Variants in TAFA2 observed in about 807,000 individuals in gnomAD.
TAFA2 encodes the protein chemokine-like protein TAFA-2.
A neutral mutation model predicts 18.8 loss-of-function variants in TAFA2; 7 were observed. The ratio of observed to expected loss-of-function variants is 0.37; its 90% CI spans 0.21 to 0.70. The LOEUF is 0.70. Ranked by LOEUF, TAFA2 falls within the 30% of genes least tolerant of loss-of-function variation. The probability of loss-of-function intolerance (pLI) is 0.53; values close to 1 mark genes in which losing one functional copy is unlikely to be tolerated. For missense variants in TAFA2, 122 were observed against 158.1 expected, an observed-to-expected ratio of 0.77 and a Z score of 1.23; for synonymous variants, 60 against 54.2, an observed-to-expected ratio of 1.11 and a Z score of -0.47.
At chr12:61,795,492 ACAC>A (rs1274711137) in intron 2 of TAFA2, among the ~76,000 whole-genome samples, 1 of 151,920 alleles carries the variant, frequency 6.6e-6, no homozygotes, top group African/African-American at 2.4e-5. Context: ...AAAAAACCAA[ACAC>A]CACATGTTCT....
chr12:61,764,819 G>A (rs1412435687), intron 2 of TAFA2, among the ~76,000 whole-genome samples: 2 of 152,070 alleles, frequency 1.3e-5, no homozygotes, highest in Non-Finnish European at 2.9e-5. Flanking sequence ...TTGTAGTTTA[G>A]ATATATTTCT....
chr12:61,783,647 A>T (rs1870601198), intron 2 of TAFA2, among the ~76,000 whole-genome samples: 1 of 151,646 alleles, frequency 6.6e-6, no homozygotes, highest in African/African-American at 2.4e-5. Context: ...CACTTCAGAA[A>T]AGGATAGTGA....
intron 1 of TAFA2, among the ~76,000 whole-genome samples, chr12:61,989,449 T>G (rs1436948467): frequency 6.7e-6 from 1 of 149,966 alleles, no homozygotes; most frequent in Admixed American, 6.6e-5. Flanking sequence ...GACTTGGCTA[T>G]GTGAAATCAT....
chr12:62,130,444 T>C (rs1870635525), intron 1 of TAFA2, among the ~76,000 whole-genome samples: 1 of 151,980 alleles, frequency 6.6e-6, no homozygotes, highest in Non-Finnish European at 1.5e-5. Context: ...ATTATATTAA[T>C]ATAAATTAAT....
rs919756307 is a variant in TAFA2, at chr12:61,923,801, G to A, written c.-1-56375C>T. 2.0e-5 allele frequency among the ~76,000 whole-genome samples: 3 copies of A among 151,884 alleles called. No homozygotes were observed. In the South Asian group the frequency reaches 6.2e-4, roughly 32 times the overall value. ...AATAACAAACTCCTCCGAGCTAAAG[G>A]AGCATGTTCTAACCCAATGCAAGGA... is the stretch of plus-strand genomic sequence containing the variant. On this transcript the variant is annotated intron_variant, in intron 1 of 4. Transcript: ENST00000416284.
chr12:62,200,914 TC>T (rs2062668178), intron 1 of TAFA2, among the ~76,000 whole-genome samples: 2 of 152,192 alleles, frequency 1.3e-5, no homozygotes, highest in African/African-American at 2.4e-5. Context: ...CTCTCTTATT[TC>T]CCTGAGCAGT....
chr12:61,772,358 A>C (rs1459156493), intron 2 of TAFA2, among the ~76,000 whole-genome samples: 1 of 152,024 alleles, frequency 6.6e-6, no homozygotes, highest in Non-Finnish European at 1.5e-5. Flanking sequence ...AAAAGAGGGA[A>C]TTCTCCCTAA....
chr12:61,943,655 G>T lies in TAFA2; in HGVS notation c.-1-76229C>A, dbSNP rs138869241. 6.0e-4 allele frequency among the ~76,000 whole-genome samples: 91 copies of T among 152,206 alleles called. No homozygotes were observed. In the South Asian group the frequency reaches 9.5e-3, roughly 16 times the overall value. ...CAAAAAAAGGCAGGGATTGCAATCC[G>T]AGTCTCTGATAAAACAGACTTTAAA... On this transcript the variant is annotated intron_variant, in intron 1 of 4. Coordinates refer to ENST00000416284, the MANE Select transcript of TAFA2 (RefSeq NM_178539.5).
chr12:62,248,248 A>C (rs993928515), intron 1 of TAFA2, among the ~76,000 whole-genome samples: 10 of 152,202 alleles, frequency 6.6e-5, no homozygotes, highest in Non-Finnish European at 1.0e-4. Flanking sequence ...GTGGGCCCTT[A>C]GTTTGAGCCA....
chr12:62,042,198 C>T (rs1264062032), intron 1 of TAFA2, among the ~76,000 whole-genome samples: 2 of 151,944 alleles, frequency 1.3e-5, no homozygotes, highest in African/African-American at 4.8e-5. Context: ...GCTCTCTTAT[C>T]CCTACAAGCA....
chr12:62,235,258 G>GC (rs2062831679), intron 1 of TAFA2: 9 of 659,064 alleles, frequency 1.4e-5, no homozygotes, highest in African/African-American at 1.8e-5. Flanking sequence ...CTGAACTGTG[G>GC]CCCCCCTTCA....
intron 1 of TAFA2, among the ~76,000 whole-genome samples, chr12:62,251,647 G>A (rs768578908): frequency 1.9e-4 from 29 of 152,302 alleles, no homozygotes; most frequent in Non-Finnish European, 2.6e-4. Flanking sequence ...AAGAAAGTGG[G>A]CTGTAATTAA....
At chr12:62,112,045 T>G (rs1371388815) in intron 1 of TAFA2, among the ~76,000 whole-genome samples, 1 of 152,190 alleles carries the variant, frequency 6.6e-6, no homozygotes, top group Non-Finnish European at 1.5e-5. Flanking sequence ...GGTAGCTGGT[T>G]ATTTTGCCCA....
At chr12:61,954,607 C>T (rs1878587894) in intron 1 of TAFA2, among the ~76,000 whole-genome samples, 1 of 152,030 alleles carries the variant, frequency 6.6e-6, no homozygotes, top group African/African-American at 2.4e-5. Flanking sequence ...TGGACTTGAG[C>T]TGACAAGACA....
At chr12:62,061,976 C>A (rs1882361123) in intron 1 of TAFA2, among the ~76,000 whole-genome samples, 1 of 152,018 alleles carries the variant, frequency 6.6e-6, no homozygotes, top group African/African-American at 2.4e-5. Flanking sequence ...AAAAGAGATG[C>A]CAGCCTGGCC....
At chr12:62,135,626 C>T (rs1870864282) in intron 1 of TAFA2, among the ~76,000 whole-genome samples, 1 of 151,858 alleles carries the variant, frequency 6.6e-6, no homozygotes, top group Non-Finnish European at 1.5e-5. Context: ...GGTAAAACAA[C>T]AAAATTAAAC....
At chr12:62,126,561 T>C (rs1270866640) in intron 1 of TAFA2, among the ~76,000 whole-genome samples, 1 of 151,900 alleles carries the variant, frequency 6.6e-6, no homozygotes, top group African/African-American at 2.4e-5. Context: ...AACATGGAGG[T>C]TTCCAAAGTT....
At chr12:61,866,676 T>G (rs915343761) in intron 2 of TAFA2, among the ~76,000 whole-genome samples, 1 of 152,138 alleles carries the variant, frequency 6.6e-6, no homozygotes, top group Non-Finnish European at 1.5e-5. Flanking sequence ...TCTCACTCTG[T>G]TCAGTGGCAG....
chr12:62,059,749 A>G (rs2136786193), intron 1 of TAFA2, among the ~76,000 whole-genome samples: 1 of 152,274 alleles, frequency 6.6e-6, no homozygotes, highest in South Asian at 2.1e-4. Flanking sequence ...TTCCACTTTC[A>G]GCTATGTCTA....
Sources: gnomAD v4.1 joint callset for allele counts (sites outside exome capture counted in the v4.1 genomes callset) on GRCh38, gnomAD v4.1.1 for gene constraint, MANE v1.5 for transcripts, NCBI Gene and HGNC (gene_info 2026-07-23, HGNC 2026-07-21) for gene names.